The following NCALD variants were observed in gnomAD, a reference collection of about 807,000 sequenced individuals.
The protein encoded by NCALD is neurocalcin-delta.
NCALD carries 10 observed loss-of-function variants against 18.6 expected under a neutral mutation model. The observed-to-expected ratio is 0.54, with a 90% confidence interval of 0.33 to 0.91. NCALD has a LOEUF of 0.91. Among genes scored for constraint, NCALD ranks in the 40% least tolerant of loss-of-function variants. The pLI is 0.03. For synonymous variants in NCALD, 88 were observed against 87.4 expected (o/e 1.01, Z -0.04); for missense variants, 184 against 247.6 (o/e 0.74, Z 1.72).
At chr8:101,852,097 C>T (rs188065902) in intron 4 of NCALD, among the ~76,000 whole-genome samples, 1 of 152,280 alleles carries the variant, frequency 6.6e-6, no homozygotes, top group Admixed American at 6.5e-5. Flanking sequence ...TTCCCAGCCT[C>T]CATAACCATG....
At position 101,719,414 on chromosome 8, in the gene NCALD, G is replaced by A. The variant is rs746427178; in HGVS notation, c.216C>T (p.Phe72=). Residue 72 remains phenylalanine (F), a synonymous_variant, in exon 2 of 4, where the codon TTC becomes TTT. Transcript: ENST00000220931. ...CTATTGTCCCATCTCCATTTGCATCGAAGGTGCGGAAGACATGCTCTGCAA... is the reference window on the plus strand; with the variant it reads ...CTATTGTCCCATCTCCATTTGCATCAAAGGTGCGGAAGACATGCTCTGCAA... ...SKFAEHVFRT[F]DANGDGTIDF... 15 of 1,614,206 alleles carry A rather than the reference G, an allele frequency of 9.3e-6. No individual in the cohort carries two copies. Among genetic ancestry groups the A allele is most frequent in the African/African-American group, 1.3e-5 (1 of 75,050 alleles).
At chr8:101,862,887 G>T (rs1403863888) in intron 4 of NCALD, among the ~76,000 whole-genome samples, 1 of 152,144 alleles carries the variant, frequency 6.6e-6, no homozygotes, top group Non-Finnish European at 1.5e-5. Flanking sequence ...AGCACTTACT[G>T]TCTTCCAAGT....
At chr8:102,060,904 T>C (rs1384414245) in intron 1 of NCALD, among the ~76,000 whole-genome samples, 3 of 152,146 alleles carry the variant, frequency 2.0e-5, no homozygotes, top group African/African-American at 7.2e-5. Flanking sequence ...AAAATTCTCT[T>C]CCATCTCTGC....
intron 4 of NCALD, among the ~76,000 whole-genome samples, chr8:101,802,979 A>G (rs1812927354): frequency 6.6e-6 from 1 of 151,828 alleles, no homozygotes; most frequent in African/African-American, 2.4e-5. Flanking sequence ...CAGAAGATCT[A>G]GCTAAGATCA....
chr8:102,084,228 A>T (rs1353353009), intron 1 of NCALD, among the ~76,000 whole-genome samples: 1 of 152,204 alleles, frequency 6.6e-6, no homozygotes, highest in Admixed American at 6.5e-5. Flanking sequence ...TGTTGTTACC[A>T]CTAGGGAATG....
At chr8:101,945,927 G>T (rs910463338) in intron 2 of NCALD, among the ~76,000 whole-genome samples, 34 of 152,210 alleles carry the variant, frequency 2.2e-4, no homozygotes, top group Non-Finnish European at 4.0e-4. Context: ...CAGGCACAAA[G>T]CATTTAGAAA....
At chr8:102,055,923 T>C (rs1051318101) in intron 1 of NCALD, among the ~76,000 whole-genome samples, 1 of 152,182 alleles carries the variant, frequency 6.6e-6, no homozygotes, top group Admixed American at 6.5e-5. Flanking sequence ...TTCAAATTCA[T>C]CACAGGGAGC....
Position 101,688,454 on chromosome 8 carries a change from C to G in NCALD, c.*855G>C. 3.3e-6 allele frequency: 1 copy of G among 300,494 alleles called. No individual in the cohort carries two copies. 18.6% of individuals were successfully genotyped at this position (300,494 alleles called of 1,614,324 possible). On this transcript the variant is annotated 3_prime_UTR_variant, in exon 4 of 4. Transcript: ENST00000220931. ...CATTCATTATAGTTGTCTTACTTCA[C>G]AATAAGCTACTAAAAACAGTCTTCT...
At chr8:101,794,643 AC>A (rs1812571063), upstream of NCALD, among the ~76,000 whole-genome samples, 1 of 152,222 alleles carries the variant, frequency 6.6e-6, no homozygotes, top group Admixed American at 6.5e-5. Flanking sequence ...TACATGTGGA[AC>A]ATTTTTCTAA....
chr8:101,688,158 AG>A lies in NCALD; in HGVS notation c.*1150del, dbSNP rs1814548416. ...CTGCTCAGAAAAGCACCATGCCGCC[AG>A]TCTAATGCTGTCAATGGGCTGCTGG... On this transcript the variant is annotated 3_prime_UTR_variant, in exon 4 of 4. Coordinates refer to ENST00000220931, the MANE Select transcript of NCALD (RefSeq NM_032041.3). The A allele has an allele frequency of 6.3e-6, 1 of 157,482 alleles. No homozygotes were observed. The highest frequency in any genetic ancestry group is 1.4e-5 in the Non-Finnish European group (1 of 71,132). 9.8% of individuals were successfully genotyped at this position (157,482 alleles called of 1,614,324 possible).
intron 3 of NCALD, among the ~76,000 whole-genome samples, chr8:101,895,767 G>A (rs1311387692): frequency 6.8e-6 from 1 of 147,354 alleles, no homozygotes; most frequent in Non-Finnish European, 1.5e-5. Flanking sequence ...ATTCACAACT[G>A]CTTCAAAGAG....
intron 2 of NCALD, among the ~76,000 whole-genome samples, chr8:102,000,086 C>A (rs956609281): frequency 6.6e-6 from 1 of 152,208 alleles, no homozygotes. Flanking sequence ...CAGGGCGAGG[C>A]ATTGCCTCAC....
intron 3 of NCALD, among the ~76,000 whole-genome samples, chr8:101,910,321 C>A (rs1034607108): frequency 2.2e-5 from 3 of 139,094 alleles, no homozygotes; most frequent in Admixed American, 7.1e-5. Flanking sequence ...TTTGATCCGA[C>A]ATGAGAGGAG....
At chr8:101,730,174 C>T (rs1464961710) in intron 1 of NCALD, among the ~76,000 whole-genome samples, 2 of 152,036 alleles carry the variant, frequency 1.3e-5, no homozygotes, top group African/African-American at 4.8e-5. Context: ...TATTCTTTAA[C>T]CTTCATTTTC....
At chr8:101,906,906 T>C (rs1320452970) in intron 3 of NCALD, among the ~76,000 whole-genome samples, 2 of 152,228 alleles carry the variant, frequency 1.3e-5, no homozygotes, top group African/African-American at 4.8e-5. Flanking sequence ...AATATTTTAA[T>C]GCAATGTTTT....
At chr8:102,110,192 T>A (rs1193233988) in intron 1 of NCALD, among the ~76,000 whole-genome samples, 1 of 152,212 alleles carries the variant, frequency 6.6e-6, no homozygotes, top group African/African-American at 2.4e-5. Flanking sequence ...TTTCTCTTGT[T>A]ATCACAACCA....
chr8:102,036,306 A>T (rs117096628), intron 1 of NCALD, among the ~76,000 whole-genome samples: 10,845 of 151,608 alleles, frequency 0.072, 506 homozygotes, highest in East Asian at 0.12. Flanking sequence ...TGACAGAAAA[A>T]AAATAAATAA....
chr8:102,003,636 A>G (rs1821571989), intron 2 of NCALD, among the ~76,000 whole-genome samples: 1 of 152,252 alleles, frequency 6.6e-6, no homozygotes. Context: ...TCAATAAAAT[A>G]CTGGCAAACT....
chr8:101,822,089 G>A (rs1813746278), intron 4 of NCALD, among the ~76,000 whole-genome samples: 1 of 152,006 alleles, frequency 6.6e-6, no homozygotes, highest in South Asian at 2.1e-4. Context: ...AAATGTGTGT[G>A]TCACCTAACA....
Sources: gnomAD v4.1 joint callset for allele counts (sites outside exome capture counted in the v4.1 genomes callset) on GRCh38, gnomAD v4.1.1 for gene constraint, MANE v1.5 for transcripts, NCBI Gene and HGNC (gene_info 2026-07-23, HGNC 2026-07-21) for gene names.